Variants in CKMT2 observed in about 807,000 individuals in gnomAD.
CKMT2 encodes creatine kinase S-type, mitochondrial.
Under a neutral mutation model 48.9 loss-of-function variants are expected in CKMT2, and 43 were observed. The observed-to-expected ratio is 0.88, with a 90% CI of 0.69 to 1.13. The LOEUF is 1.13. Ranked by LOEUF, CKMT2 falls within the 50% of genes most tolerant of loss-of-function variation. The pLI, the probability that CKMT2 is intolerant of heterozygous loss-of-function variation, is 0.00. For missense variants in CKMT2, 472 were observed against 555.4 expected (o/e 0.85, Z 1.51); for synonymous variants, 206 against 213.0 (o/e 0.97, Z 0.29).
chr5:81,261,733 T>A (rs902940267), intron 8 of CKMT2, among the ~76,000 whole-genome samples: 1 of 152,156 alleles, frequency 6.6e-6, no homozygotes, highest in Non-Finnish European at 1.5e-5. Context: ...TGCTCATGGA[T>A]AGGAAGAATC....
chr5:81,246,376 C>A (rs753143099), intron 1 of CKMT2, among the ~76,000 whole-genome samples: 3 of 152,048 alleles, frequency 2.0e-5, no homozygotes, highest in Non-Finnish European at 2.9e-5. Flanking sequence ...AAGTCCAGAT[C>A]TGTCCAGCTT....
At chr5:81,238,902 A>G (rs1297900536) in intron 1 of CKMT2, 1 of 152,086 alleles carries the variant, frequency 6.6e-6, no homozygotes, top group Non-Finnish European at 1.5e-5. Flanking sequence ...TGTCTCCCCC[A>G]CCTGGCTGTA....
chr5:81,245,117 C>T (rs929752768), intron 1 of CKMT2: 4 of 152,076 alleles, frequency 2.6e-5, no homozygotes, highest in African/African-American at 9.7e-5. Flanking sequence ...TCTGTGACAT[C>T]AACACATGAT....
At chr5:81,234,773 T>TGG (rs1459149204) in intron 1 of CKMT2, among the ~76,000 whole-genome samples, 1 of 152,048 alleles carries the variant, frequency 6.6e-6, no homozygotes, top group Non-Finnish European at 1.5e-5. Context: ...CCATACAGAA[T>TGG]GGGGAGTCCT....
At chr5:81,240,214 C>T (rs1023155738) in intron 1 of CKMT2, among the ~76,000 whole-genome samples, 6 of 152,166 alleles carry the variant, frequency 3.9e-5, no homozygotes, top group African/African-American at 1.4e-4. Flanking sequence ...TTCTGCTTCC[C>T]CTCAGTGCTG....
At chr5:81,259,558 C>A (rs1170107116) in intron 8 of CKMT2, among the ~76,000 whole-genome samples, 1 of 152,140 alleles carries the variant, frequency 6.6e-6, no homozygotes, top group East Asian at 1.9e-4. Flanking sequence ...CTCCATCTCT[C>A]CTAGTTCAAG....
intron 1 of CKMT2, among the ~76,000 whole-genome samples, chr5:81,247,810 G>A (rs1333644481): frequency 6.6e-6 from 1 of 152,152 alleles, no homozygotes. Context: ...AAAACCTGGA[G>A]TCTGTGTCAA....
intron 1 of CKMT2, chr5:81,238,886 G>C (rs1183518701): frequency 1.3e-5 from 2 of 152,238 alleles, no homozygotes; most frequent in Non-Finnish European, 2.9e-5. Flanking sequence ...GGTTTTTATA[G>C]TGATCTGTCT....
chr5:81,255,021 A>G lies in CKMT2; in HGVS notation c.476A>G (p.Tyr159Cys), dbSNP rs747312540. 4 of 1,613,898 alleles carry G rather than the reference A, an allele frequency of 2.5e-6. No individual in the cohort carries two copies. Residue 159 changes from tyrosine to cysteine, a missense_variant, in exon 5 of 10, where the codon TAC becomes TGC. Transcript: ENST00000254035. ...KITQGQFDEH[Y>C]VLSSRVRTGR... ...ACCCAAGGGCAGTTCGACGAGCATT[A>G]CGTGCTGTCTTCTCGGGTGCGCACT...
At position 81,254,429 on chromosome 5, in the gene CKMT2, C is replaced by T. The variant is rs1580449064; in HGVS notation, c.385C>T (p.Leu129=). 6.2e-7 allele frequency: 1 copy of T among 1,614,198 alleles called. No homozygotes were observed. The highest frequency in any genetic ancestry group is 8.5e-7 in the Non-Finnish European group (1 of 1,180,026). The change falls in exon 4 of 10, where the codon CTA becomes TTA. Residue 129 remains leucine (L), a synonymous_variant. Transcript: ENST00000254035. ...TGACCTTTTTGACCCCGTCATCAAA[C>T]TAAGACACAACGGCTATGACCCCAG... ...FADLFDPVIK[L]RHNGYDPRVM... is the part of the protein sequence containing the mutation.
intron 1 of CKMT2, among the ~76,000 whole-genome samples, chr5:81,247,909 T>C (rs1756666675): frequency 6.6e-6 from 1 of 152,188 alleles, no homozygotes; most frequent in East Asian, 1.9e-4. Context: ...CCCAGGATTA[T>C]CTGCATGAGT....
At chr5:81,240,535 A>G (rs2112783657) in intron 1 of CKMT2, among the ~76,000 whole-genome samples, 1 of 152,296 alleles carries the variant, frequency 6.6e-6, no homozygotes, top group South Asian at 2.1e-4. Context: ...CCCAGGGCAG[A>G]TGGAGGCATG....
rs1757036642 is a variant in CKMT2, at chr5:81,257,071, C to T, written c.755+71C>T. The T allele has an allele frequency of 2.3e-5, 29 of 1,278,596 alleles. No homozygotes were observed. In the South Asian group the frequency reaches 3.6e-4, roughly 16 times the overall value. 79.2% of individuals were successfully genotyped at this position (1,278,596 alleles called of 1,614,324 possible). On this transcript the variant is annotated intron_variant, in intron 6 of 9. Coordinates refer to ENST00000254035, the MANE Select transcript of CKMT2 (RefSeq NM_001099735.2). ...TTTTGAGATCACCTGCTTATCCTAACCTGGAGTTGCTGTGTACTGCAGTTG... is the reference window on the plus strand; with the variant it reads ...TTTTGAGATCACCTGCTTATCCTAATCTGGAGTTGCTGTGTACTGCAGTTG...
At chr5:81,248,573 G>A (rs1756690010) in intron 1 of CKMT2, among the ~76,000 whole-genome samples, 1 of 152,208 alleles carries the variant, frequency 6.6e-6, no homozygotes, top group Non-Finnish European at 1.5e-5. Flanking sequence ...TCTAGCAGGG[G>A]AGCAAAGAAG....
chr5:81,234,021 TAAAAAAAAAAAAA>T, intron 1 of CKMT2, among the ~76,000 whole-genome samples: 1 of 91,906 alleles, frequency 1.1e-5, no homozygotes, highest in Admixed American at 1.3e-4. Context: ...GGAGGTTAAT[TAAAAAAAAAAAAA>T]AAAAAAAAAA....
intron 1 of CKMT2, among the ~76,000 whole-genome samples, chr5:81,248,389 C>T (rs181494684): frequency 6.6e-6 from 1 of 152,186 alleles, no homozygotes; most frequent in Non-Finnish European, 1.5e-5. Context: ...TCTAGAGTGA[C>T]AGCATTGCCT....
In CKMT2 at chr5:81,266,160, A is replaced by T. The variant is rs759208861; in HGVS notation, c.1162A>T (p.Ile388Phe). 66 of 1,612,654 alleles carry T rather than the reference A, an allele frequency of 4.1e-5. No individual in the cohort carries two copies. The highest frequency in any genetic ancestry group is 5.3e-5 in the Non-Finnish European group (63 of 1,178,840). Residue 388 changes from isoleucine to phenylalanine, a missense_variant, in exon 10 of 10, where the codon ATC (isoleucine) becomes TTC (phenylalanine). By Grantham distance (21) the Ile-to-Phe change is conservative (BLOSUM62 0). Transcript: ENST00000254035. ...AAAGGTTGAGCTTGTTCAGATAGTCATCGATGGAGTCAATTACCTGGTGGA... is the reference window on the plus strand; with the variant it reads ...AAAGGTTGAGCTTGTTCAGATAGTCTTCGATGGAGTCAATTACCTGGTGGA... ...RSEVELVQIV[I>F]DGVNYLVDCE...
At chr5:81,241,616 C>T (rs980002160) in intron 1 of CKMT2, among the ~76,000 whole-genome samples, 5 of 152,148 alleles carry the variant, frequency 3.3e-5, no homozygotes, top group Non-Finnish European at 5.9e-5. Context: ...AGGCAATTAG[C>T]GAACACAAAT....
intron 1 of CKMT2, among the ~76,000 whole-genome samples, chr5:81,240,837 A>G (rs370284575): frequency 3.0e-4 from 45 of 152,180 alleles, no homozygotes; most frequent in East Asian, 1.3e-3. Context: ...TCAGATATTA[A>G]AAATGTTATA....
Sources: gnomAD v4.1 joint callset for allele counts (sites outside exome capture counted in the v4.1 genomes callset) on GRCh38, gnomAD v4.1.1 for gene constraint, MANE v1.5 for transcripts, NCBI Gene and HGNC (gene_info 2026-07-23, HGNC 2026-07-21) for gene names.